The following MACROD2 variants were observed in gnomAD, a reference collection of about 807,000 sequenced individuals.
MACROD2 encodes ADP-ribose glycohydrolase MACROD2.
A neutral mutation model predicts 70.4 loss-of-function variants in MACROD2; 36 were observed. The ratio of observed to expected loss-of-function variants is 0.51; its 90% CI spans 0.39 to 0.68. The LOEUF (loss-of-function observed/expected upper bound fraction) is 0.68, where lower values mean the gene tolerates loss of function less well. MACROD2 is among the 30% of genes least tolerant of loss of function. The pLI is 0.00. For synonymous variants in MACROD2, 172 were observed against 178.8 expected (o/e 0.96, Z 0.30); for missense variants, 496 against 538.4 (o/e 0.92, Z 0.78).
At chr20:14,886,350 A>C (rs1286885828) in intron 5 of MACROD2, among the ~76,000 whole-genome samples, 1 of 152,140 alleles carries the variant, frequency 6.6e-6, no homozygotes, top group Non-Finnish European at 1.5e-5. Context: ...AGAAGAAGAG[A>C]AGATGAGGTC....
At chr20:15,622,466 A>G (rs1277851615) in intron 8 of MACROD2, among the ~76,000 whole-genome samples, 1 of 152,188 alleles carries the variant, frequency 6.6e-6, no homozygotes, top group Non-Finnish European at 1.5e-5. Flanking sequence ...CTTGAACACA[A>G]GCACCATGAT....
intron 2 of MACROD2, among the ~76,000 whole-genome samples, chr20:14,044,877 G>A (rs1214264184): frequency 6.6e-6 from 1 of 152,236 alleles, no homozygotes; most frequent in Admixed American, 6.5e-5. Context: ...CGTAGAGCAG[G>A]GAGTGGCGCT....
At chr20:14,573,578 AT>A (rs5840625) in intron 4 of MACROD2, among the ~76,000 whole-genome samples, 7 of 150,628 alleles carry the variant, frequency 4.6e-5, no homozygotes, top group Admixed American at 2.0e-4. Flanking sequence ...AAAAGATATT[AT>A]TTTTTTTTTC....
At chr20:14,415,554 C>T (rs1376475522) in intron 3 of MACROD2, among the ~76,000 whole-genome samples, 2 of 152,144 alleles carry the variant, frequency 1.3e-5, no homozygotes, top group African/African-American at 4.8e-5. Context: ...TAGTTTGTAA[C>T]ATTTCCTGGA....
chr20:15,061,953 T>G (rs421941), intron 5 of MACROD2, among the ~76,000 whole-genome samples: 91,793 of 151,924 alleles, frequency 0.6, 28,442 homozygotes, highest in African/African-American at 0.75. Context: ...AGACACGATG[T>G]TCTGGTGCCT....
chr20:14,330,319 A>T (rs941780263), intron 3 of MACROD2, among the ~76,000 whole-genome samples: 12 of 152,062 alleles, frequency 7.9e-5, no homozygotes, highest in Admixed American at 2.6e-4. Flanking sequence ...CGAATTGGTT[A>T]TGCAGGGTCA....
intron 5 of MACROD2, among the ~76,000 whole-genome samples, chr20:15,030,925 G>T (rs536513784): frequency 6.6e-6 from 1 of 152,248 alleles, no homozygotes; most frequent in South Asian, 2.1e-4. Flanking sequence ...CCCGAATTTT[G>T]CTTGGGCCTG....
intron 5 of MACROD2, among the ~76,000 whole-genome samples, chr20:14,853,259 C>T (rs1442039963): frequency 2.0e-5 from 3 of 151,254 alleles, no homozygotes; most frequent in Non-Finnish European, 4.4e-5. Context: ...AGATAAGAAA[C>T]CTTGACCTTA....
At chr20:15,133,526 C>T (rs1471388373) in intron 5 of MACROD2, among the ~76,000 whole-genome samples, 3 of 152,002 alleles carry the variant, frequency 2.0e-5, no homozygotes, top group Admixed American at 6.6e-5. Context: ...CTGGAAATTT[C>T]CAGAGTGGAT....
chr20:14,026,931 C>A (rs1051217411), intron 2 of MACROD2, among the ~76,000 whole-genome samples: 2 of 152,084 alleles, frequency 1.3e-5, no homozygotes, highest in African/African-American at 4.8e-5. Context: ...GATCTCCCAG[C>A]ACAGCGCTCA....
At position 14,596,412 on chromosome 20, in the gene MACROD2, C is replaced by CATATATATATATAT. The variant is rs5840627; in HGVS notation, c.302-88422_302-88409dup. Among the ~76,000 whole-genome samples the CATATATATATATAT allele has an allele frequency of 8.5e-3, 1,215 of 142,940 alleles. 16 individuals are homozygous for CATATATATATATAT. The highest frequency in any genetic ancestry group is 0.03 in the African/African-American group (1,159 of 38,804). 93.8% of individuals were successfully genotyped at this position (142,940 alleles called of 152,430 possible). A position where few individuals can be genotyped will look rare whatever the true frequency, so the allele number is the denominator to read the frequency against. ...GCCCATATATATGTAATTTTTTAAACATATATATATATATATATATATGCT... is the reference window on the plus strand; with the variant it reads ...GCCCATATATATGTAATTTTTTAAACATATATATATATATATATATATATATATATATATATGCT... On this transcript the variant is annotated intron_variant, in intron 4 of 17. Transcript: ENST00000684519.
At chr20:15,515,552 C>T (rs2047555903) in intron 8 of MACROD2, among the ~76,000 whole-genome samples, 1 of 152,232 alleles carries the variant, frequency 6.6e-6, no homozygotes, top group Non-Finnish European at 1.5e-5. Flanking sequence ...AGCTTTCCCA[C>T]TGACTCAAGG....
At chr20:14,293,491 T>C (rs1439648252) in intron 3 of MACROD2, among the ~76,000 whole-genome samples, 3 of 151,678 alleles carry the variant, frequency 2.0e-5, no homozygotes, top group Non-Finnish European at 4.4e-5. Flanking sequence ...GAGTTAGCCA[T>C]GTGAAGATCT....
At chr20:15,536,080 A>G (rs6110663) in intron 8 of MACROD2, among the ~76,000 whole-genome samples, 30,922 of 152,080 alleles carry the variant, frequency 0.2, 3,572 homozygotes, top group East Asian at 0.38. Context: ...GGGTCCATGC[A>G]GTTTCACCAG....
Position 15,900,084 on chromosome 20 carries a change from A to G in MACROD2, c.775+14273A>G, listed in dbSNP as rs369635806. 1.9e-4 allele frequency among the ~76,000 whole-genome samples: 29 copies of G among 152,260 alleles called. 1 individual carries two copies. The highest frequency in any genetic ancestry group is 5.8e-4 in the East Asian group (3 of 5,186). On this transcript the variant is annotated intron_variant, in intron 10 of 17. Transcript: ENST00000684519. Reference sequence around the variant, plus strand: ...AGTGGCTGGACAGAAGGGACATTCTATCTTTCAGAATGCCATGCAGCAGTT... The same window carrying G: ...AGTGGCTGGACAGAAGGGACATTCTGTCTTTCAGAATGCCATGCAGCAGTT...
At chr20:14,546,048 G>A (rs1199373226) in intron 4 of MACROD2, among the ~76,000 whole-genome samples, 3 of 152,022 alleles carry the variant, frequency 2.0e-5, no homozygotes, top group Admixed American at 1.3e-4. Context: ...TGATGAATGG[G>A]AACAAATTAT....
chr20:14,801,680 A>T (rs1337051445), intron 5 of MACROD2, among the ~76,000 whole-genome samples: 2 of 152,032 alleles, frequency 1.3e-5, no homozygotes, highest in African/African-American at 4.8e-5. Context: ...AACTGTGCAG[A>T]CTGCTGCTAT....
chr20:14,227,377 C>A (rs1046740952), intron 3 of MACROD2, among the ~76,000 whole-genome samples: 22 of 152,144 alleles, frequency 1.4e-4, no homozygotes, highest in Admixed American at 1.4e-3. Flanking sequence ...TCTTTGGGTC[C>A]ACGCTACCTT....
intron 17 of MACROD2, 52 bp downstream of exon 17, chr20:16,044,691 T>A: frequency 6.6e-7 from 1 of 1,512,674 alleles, no homozygotes; most frequent in Non-Finnish European, 9.2e-7. Context: ...CCATAAGAAC[T>A]ATTTGCAAAT....
Sources: gnomAD v4.1 joint callset for allele counts (sites outside exome capture counted in the v4.1 genomes callset) on GRCh38, gnomAD v4.1.1 for gene constraint, MANE v1.5 for transcripts, NCBI Gene and HGNC (gene_info 2026-07-23, HGNC 2026-07-21) for gene names.